HSDL2: variants seen among roughly 807,000 people sequenced by gnomAD.
The protein encoded by HSDL2 is hydroxysteroid dehydrogenase-like protein 2.
HSDL2 carries 27 observed loss-of-function variants against 46.3 expected under a neutral mutation model. The ratio of observed to expected loss-of-function variants is 0.58; its 90% CI spans 0.43 to 0.80. HSDL2 has a LOEUF of 0.80. Ranked by LOEUF, HSDL2 falls within the 30% of genes least tolerant of loss-of-function variation. The probability of loss-of-function intolerance (pLI) is 0.00; values close to 1 mark genes in which losing one functional copy is unlikely to be tolerated. For synonymous variants in HSDL2, 153 were observed against 163.6 expected (o/e 0.94, Z 0.50); for missense variants, 451 against 502.7 (o/e 0.90, Z 0.98).
intron 1 of HSDL2, among the ~76,000 whole-genome samples, chr9:112,381,118 T>C (rs377496931): frequency 0.18 from 8,118 of 45,562 alleles, 725 homozygotes; most frequent in African/African-American, 0.39. Flanking sequence ...CACACACACA[T>C]ACCCTTTCTT....
At chr9:112,443,560 T>C (rs1368897973) in intron 8 of HSDL2, among the ~76,000 whole-genome samples, 1 of 152,172 alleles carries the variant, frequency 6.6e-6, no homozygotes, top group Non-Finnish European at 1.5e-5. Context: ...AGACCCTGTC[T>C]CTACAAAAAA....
At chr9:112,414,358 G>A (rs1431729580) in intron 4 of HSDL2, among the ~76,000 whole-genome samples, 2 of 152,134 alleles carry the variant, frequency 1.3e-5, no homozygotes, top group Non-Finnish European at 2.9e-5. Context: ...GAAACCCCAA[G>A]TAAGTAAAAT....
At chr9:112,444,591 A>G (rs963322523) in intron 8 of HSDL2, among the ~76,000 whole-genome samples, 1 of 152,104 alleles carries the variant, frequency 6.6e-6, no homozygotes, top group Non-Finnish European at 1.5e-5. Context: ...TACAAAAATT[A>G]GCTGGGTGTG....
chr9:112,443,817 A>C (rs1832693353), intron 8 of HSDL2, among the ~76,000 whole-genome samples: 1 of 152,246 alleles, frequency 6.6e-6, no homozygotes, highest in Admixed American at 6.5e-5. Context: ...TAGGTTAAAC[A>C]TGTAGGTGCT....
chr9:112,468,019 AACT>A (rs1164247093), intron 10 of HSDL2, among the ~76,000 whole-genome samples: 1 of 129,612 alleles, frequency 7.7e-6, no homozygotes, highest in Admixed American at 8.6e-5. Context: ...GTGTATCTGA[AACT>A]ACTATTATTC....
intron 10 of HSDL2, among the ~76,000 whole-genome samples, chr9:112,464,700 A>G (rs1173783093): frequency 2.0e-5 from 3 of 152,232 alleles, no homozygotes; most frequent in Non-Finnish European, 4.4e-5. Context: ...AGCTTTATTG[A>G]GATATAATTC....
rs151334212 is a variant in HSDL2, at chr9:112,396,767, G to A, written c.18-7228G>A. Reference sequence around the variant, plus strand: ...ATTAGGTAGTAAATTTAGAGGAATGGTACTACAGAGATTGACCACCCCGCC... The same window carrying A: ...ATTAGGTAGTAAATTTAGAGGAATGATACTACAGAGATTGACCACCCCGCC... On this transcript the variant is annotated intron_variant, in intron 1 of 10. Transcript: ENST00000398805. 3.1e-3 allele frequency among the ~76,000 whole-genome samples: 465 copies of A among 152,252 alleles called. 2 individuals carry two copies. Among genetic ancestry groups the A allele is most frequent in the African/African-American group, 0.01 (420 of 41,546 alleles).
intron 4 of HSDL2, among the ~76,000 whole-genome samples, chr9:112,411,213 C>T (rs1461454551): frequency 2.0e-5 from 3 of 152,198 alleles, no homozygotes; most frequent in Non-Finnish European, 4.4e-5. Flanking sequence ...CTCATAACCA[C>T]ATCTCTCTCT....
At chr9:112,430,423 T>C (rs1165295748) in intron 6 of HSDL2, among the ~76,000 whole-genome samples, 2 of 152,212 alleles carry the variant, frequency 1.3e-5, no homozygotes, top group African/African-American at 4.8e-5. Flanking sequence ...TCAGATGTTA[T>C]AGGCCCTTGC....
chr9:112,441,156 T>C (rs1832629470), intron 7 of HSDL2, among the ~76,000 whole-genome samples: 1 of 152,040 alleles, frequency 6.6e-6, no homozygotes. Context: ...GCCAAGATCA[T>C]ATCACTGCAC....
chr9:112,445,140 A>T (rs955913761), intron 8 of HSDL2, among the ~76,000 whole-genome samples: 8 of 152,096 alleles, frequency 5.3e-5, no homozygotes, highest in African/African-American at 1.7e-4. Context: ...CGGCCTCCCA[A>T]AGTGCTGGGA....
intron 9 of HSDL2, among the ~76,000 whole-genome samples, chr9:112,454,454 A>G (rs1052937585): frequency 3.8e-4 from 58 of 152,050 alleles, no homozygotes; most frequent in African/African-American, 1.1e-3. Flanking sequence ...CAGCCTCCCA[A>G]TGATTTTTAT....
At chr9:112,443,161 G>A (rs1051667293) in intron 8 of HSDL2, among the ~76,000 whole-genome samples, 10 of 152,092 alleles carry the variant, frequency 6.6e-5, no homozygotes, top group Admixed American at 5.9e-4. Context: ...TTTGCCCAAC[G>A]CCCTAAGGTT....
intron 6 of HSDL2, among the ~76,000 whole-genome samples, chr9:112,431,118 A>G (rs1471024575): frequency 2.0e-5 from 3 of 151,728 alleles, no homozygotes; most frequent in African/African-American, 7.3e-5. Flanking sequence ...AGAACAGTGG[A>G]GTCGCCAGGA....
At chr9:112,444,310 TATA>T (rs1454417707) in intron 8 of HSDL2, among the ~76,000 whole-genome samples, 1 of 152,216 alleles carries the variant, frequency 6.6e-6, no homozygotes, top group African/African-American at 2.4e-5. Flanking sequence ...ACCAACAACT[TATA>T]ATAACCCCTG....
At chr9:112,398,272 G>A (rs552323538) in intron 1 of HSDL2, among the ~76,000 whole-genome samples, 1 of 152,072 alleles carries the variant, frequency 6.6e-6, no homozygotes, top group African/African-American at 2.4e-5. Flanking sequence ...GAAATGACAG[G>A]AGAGTGAGGG....
chr9:112,453,591 C>T (rs1183488453), intron 8 of HSDL2, among the ~76,000 whole-genome samples: 1 of 152,090 alleles, frequency 6.6e-6, no homozygotes, highest in Non-Finnish European at 1.5e-5. Flanking sequence ...CAGGGTTTCT[C>T]CATGTTGCCC....
intron 8 of HSDL2, among the ~76,000 whole-genome samples, chr9:112,447,530 C>T (rs1288043179): frequency 6.6e-6 from 1 of 152,190 alleles, no homozygotes; most frequent in Admixed American, 6.5e-5. Context: ...ATGTGACAGA[C>T]TCAGTTCTCT....
intron 1 of HSDL2, among the ~76,000 whole-genome samples, chr9:112,385,140 T>C (rs1382943916): frequency 1.3e-5 from 2 of 152,078 alleles, no homozygotes; most frequent in Non-Finnish European, 2.9e-5. Context: ...ACCACTTTAA[T>C]ATTTTATGTA....
Sources: allele counts gnomAD v4.1 joint callset (sites outside exome capture counted in the v4.1 genomes callset), GRCh38; gene constraint gnomAD v4.1.1; transcripts MANE v1.5; gene names NCBI Gene and HGNC (gene_info 2026-07-23, HGNC 2026-07-21).